Variants in ARHGAP39 observed in about 807,000 individuals in gnomAD.
The protein encoded by ARHGAP39 is Rho GTPase activating protein 39.
ARHGAP39 carries 44 observed loss-of-function variants against 106.9 expected under a neutral mutation model. The ratio of observed to expected loss-of-function variants is 0.41; its 90% CI spans 0.32 to 0.53. ARHGAP39 has a LOEUF of 0.53. Ranked by LOEUF, ARHGAP39 falls within the 20% of genes least tolerant of loss-of-function variation. The probability of loss-of-function intolerance (pLI) is 0.21; values close to 1 mark genes in which losing one functional copy is unlikely to be tolerated. For missense variants in ARHGAP39, 1,496 were observed against 1,577.3 expected, an observed-to-expected ratio of 0.95 and a Z score of 0.87; for synonymous variants, 768 against 693.2, an observed-to-expected ratio of 1.11 and a Z score of -1.69.
the ARHGAP39 span, among the ~76,000 whole-genome samples, chr8:144,692,631 C>T: frequency 6.6e-6 from 1 of 152,076 alleles, no homozygotes; most frequent in Non-Finnish European, 1.5e-5. Context: ...CAGGGTTGGG[C>T]CTGCAATCCG....
chr8:144,612,707 C>T (rs1215918772), intron 1 of ARHGAP39, among the ~76,000 whole-genome samples: 7 of 126,974 alleles, frequency 5.5e-5, no homozygotes, highest in Non-Finnish European at 8.4e-5. Flanking sequence ...AGGTGAGCCA[C>T]GGCTGCGCCG....
chr8:144,688,694 G>T (rs1822684588), upstream of ARHGAP39, among the ~76,000 whole-genome samples: 1 of 152,194 alleles, frequency 6.6e-6, no homozygotes, highest in Non-Finnish European at 1.5e-5. Flanking sequence ...CTGCCCTCCA[G>T]CCTGGGCAAC....
At chr8:144,605,493 T>C (rs1820250651) in intron 2 of ARHGAP39, 42 bp downstream of exon 2, 1 of 1,601,724 alleles carries the variant, frequency 6.2e-7, no homozygotes, top group Non-Finnish European at 8.5e-7. Flanking sequence ...TTCCACCCAC[T>C]CGTGAGGCCC....
intron 2 of ARHGAP39, among the ~76,000 whole-genome samples, chr8:144,597,869 G>A (rs1819681203): frequency 6.6e-6 from 1 of 152,158 alleles, no homozygotes; most frequent in African/African-American, 2.4e-5. Context: ...CATAATCCAG[G>A]CTCAGTCAAC....
rs377174049 is a variant in ARHGAP39, at chr8:144,585,249, C to A, written c.81-3972G>T. Among the ~76,000 whole-genome samples, 1 of 152,188 alleles carries A rather than the reference C, an allele frequency of 6.6e-6. No homozygotes were observed. Among genetic ancestry groups the A allele is most frequent in the African/African-American group, 2.4e-5 (1 of 41,448 alleles). Reference sequence around the variant, plus strand: ...CAGATGCAATGGCAGACTCACTCTTCTTCCCAAGGGCCTCACCTGTCTCCC... The same window carrying A: ...CAGATGCAATGGCAGACTCACTCTTATTCCCAAGGGCCTCACCTGTCTCCC... On this transcript the variant is annotated intron_variant, in intron 2 of 11. Coordinates refer to ENST00000377307, the MANE Select transcript of ARHGAP39 (RefSeq NM_025251.3). The surrounding 1 kb of genome is among the most constrained non-coding windows in gnomAD (Gnocchi z 4.6).
At chr8:144,691,897 C>T in the ARHGAP39 span, among the ~76,000 whole-genome samples, 91 of 152,124 alleles carry the variant, frequency 6.0e-4, 1 homozygote, top group Non-Finnish European at 1.2e-4. Flanking sequence ...GCATTGACTA[C>T]GCAAGCAGGG....
intron 2 of ARHGAP39, among the ~76,000 whole-genome samples, chr8:144,605,230 C>T (rs1586607712): frequency 6.6e-6 from 1 of 152,158 alleles, no homozygotes; most frequent in Admixed American, 6.5e-5. Context: ...CACTGCACTG[C>T]AGCCTGGACA....
intron 2 of ARHGAP39, among the ~76,000 whole-genome samples, chr8:144,590,903 A>T (rs1819368606): frequency 6.6e-6 from 1 of 152,074 alleles, no homozygotes; most frequent in South Asian, 2.1e-4. Flanking sequence ...GGTCGCCCTG[A>T]ACCCCAGCCC....
chr8:144,696,288 A>G, the ARHGAP39 span, among the ~76,000 whole-genome samples: 1 of 152,090 alleles, frequency 6.6e-6, no homozygotes, highest in South Asian at 2.1e-4. Context: ...ACAAGTACGT[A>G]CGACCACACT....
chr8:144,553,971 G>A (rs1454892238), intron 4 of ARHGAP39, among the ~76,000 whole-genome samples: 1 of 152,284 alleles, frequency 6.6e-6, no homozygotes, highest in East Asian at 1.9e-4. Flanking sequence ...GCCCAGAGGT[G>A]CAGCTGCTGG....
At chr8:144,542,919 C>A (rs1276655757) in intron 6 of ARHGAP39, among the ~76,000 whole-genome samples, 1 of 151,118 alleles carries the variant, frequency 6.6e-6, no homozygotes, top group Admixed American at 6.6e-5. Flanking sequence ...TGAACTCCAG[C>A]CTGGGCAACA....
chr8:144,619,317 G>A (rs532692313), intron 1 of ARHGAP39, among the ~76,000 whole-genome samples: 30 of 152,354 alleles, frequency 2.0e-4, no homozygotes, highest in African/African-American at 7.0e-4. Flanking sequence ...TCCGAGAAGC[G>A]CGGGTCCCCA....
chr8:144,562,805 GACTCCAGTGGTTTCCATCAC>G, intron 3 of ARHGAP39, among the ~76,000 whole-genome samples: 1 of 137,460 alleles, frequency 7.3e-6, no homozygotes, highest in East Asian at 2.2e-4. Context: ...GTTTCCATCG[GACTCCAGTGGTTTCCATCAC>G]ACTCCAGTGG....
At chr8:144,579,671 G>A (rs541339029) in intron 3 of ARHGAP39, among the ~76,000 whole-genome samples, 2 of 152,150 alleles carry the variant, frequency 1.3e-5, no homozygotes, top group Admixed American at 6.5e-5. Flanking sequence ...ACGGTGGGAC[G>A]GAAGCCTGCT....
intron 1 of ARHGAP39, among the ~76,000 whole-genome samples, chr8:144,631,370 C>T (rs1265238491): frequency 2.6e-5 from 4 of 152,240 alleles, no homozygotes; most frequent in African/African-American, 9.6e-5. Flanking sequence ...GCTGCACCCT[C>T]GTCACTCATC....
chr8:144,546,704 C>G (rs944857572), intron 5 of ARHGAP39, among the ~76,000 whole-genome samples: 7 of 152,308 alleles, frequency 4.6e-5, no homozygotes, highest in African/African-American at 1.7e-4. Flanking sequence ...GTTCTTCCTA[C>G]CCGAGGGAGC....
intron 2 of ARHGAP39, among the ~76,000 whole-genome samples, chr8:144,600,847 A>C (rs556941881): frequency 3.5e-5 from 5 of 141,512 alleles, no homozygotes; most frequent in African/African-American, 1.3e-4. Context: ...GTGCTCGTGT[A>C]CCTGTGTGTG....
intron 2 of ARHGAP39, among the ~76,000 whole-genome samples, chr8:144,600,678 G>C (rs1819852166): frequency 6.8e-6 from 1 of 147,004 alleles, no homozygotes; most frequent in Non-Finnish European, 1.5e-5. Context: ...TTGTGTACCT[G>C]CGTGTGCGTG....
rs2130915922 is a variant in ARHGAP39 at position 144,591,726 on chromosome 8, A to G, written c.81-10449T>C. 6.6e-6 allele frequency among the ~76,000 whole-genome samples: 1 copy of G among 152,334 alleles called. No homozygotes were observed. The highest frequency in any genetic ancestry group is 1.5e-5 in the Non-Finnish European group (1 of 68,020). ...GTCAGGTCTGGGGTCAGAACTCAGG[A>G]CGCACACCAAGGACAGGACCACATG... On this transcript the variant is annotated intron_variant, in intron 2 of 11. Coordinates refer to ENST00000377307, the MANE Select transcript of ARHGAP39 (RefSeq NM_025251.3). This position sits in a 1 kb window ranked among gnomAD's most constrained non-coding sequence, Gnocchi z 5.3.
Sources: allele counts gnomAD v4.1 joint callset (sites outside exome capture counted in the v4.1 genomes callset), GRCh38; gene constraint gnomAD v4.1.1; non-coding constraint Gnocchi (gnomAD v3.1); transcripts MANE v1.5; gene names NCBI Gene and HGNC (gene_info 2026-07-23, HGNC 2026-07-21).